The following CPSF2 variants were observed in gnomAD, a reference collection of about 807,000 sequenced individuals.
CPSF2 encodes the protein cleavage and polyadenylation specificity factor subunit 2.
A neutral mutation model predicts 84.2 loss-of-function variants in CPSF2; 51 were observed. The observed-to-expected ratio is 0.61, with a 90% CI of 0.48 to 0.77. The LOEUF (loss-of-function observed/expected upper bound fraction) is 0.77, where lower values mean the gene tolerates loss of function less well. Ranked by LOEUF, CPSF2 falls within the 30% of genes least tolerant of loss-of-function variation. The pLI is 0.00. For synonymous variants in CPSF2, 286 were observed against 311.9 expected (o/e 0.92, Z 0.87); for missense variants, 641 against 929.4 (o/e 0.69, Z 4.03).
At position 92,172,095 on chromosome 14, in the gene CPSF2, C is replaced by A. The variant is rs1232873123; in HGVS notation, c.*10351C>A. The A allele has an allele frequency of 6.6e-6, 1 of 152,238 alleles. No homozygotes were observed. The highest frequency in any genetic ancestry group is 1.5e-5 in the Non-Finnish European group (1 of 68,066). 9.4% of individuals were successfully genotyped at this position (152,238 alleles called of 1,614,324 possible). A position where few individuals can be genotyped will look rare whatever the true frequency, so the allele number is the denominator to read the frequency against. On this transcript the variant is annotated 3_prime_UTR_variant, in exon 16 of 16. Coordinates refer to ENST00000298875, the MANE Select transcript of CPSF2 (RefSeq NM_017437.3). Reference sequence around the variant, plus strand: ...AGATGGCAGTGCCAAAGCAGGCATTCCAATTCACATGGTGCTCTAGCAATT... The same window carrying A: ...AGATGGCAGTGCCAAAGCAGGCATTACAATTCACATGGTGCTCTAGCAATT...
Position 92,156,518 on chromosome 14 carries a change from A to G in CPSF2, c.1482A>G (p.Glu494=). 6.2e-7 allele frequency: 1 copy of G among 1,613,128 alleles called. No homozygotes were observed. The highest frequency in any genetic ancestry group is 1.1e-5 in the South Asian group (1 of 91,010). Residue 494 remains glutamate (E), a synonymous_variant, in exon 12 of 16, where the codon GAA becomes GAG. Coordinates refer to ENST00000298875, the MANE Select transcript of CPSF2 (RefSeq NM_017437.3). ...DFLVPELQAT[E]EEKSKLESGL... ...TAGTGCCAGAGCTTCAAGCTACTGA[A>G]GAAGAAAAAAGCAAATTAGAATCTG... is the stretch of plus-strand genomic sequence containing the variant.
chr14:92,148,510 C>T (rs2069171108), intron 9 of CPSF2, among the ~76,000 whole-genome samples: 1 of 152,116 alleles, frequency 6.6e-6, no homozygotes, highest in Admixed American at 6.6e-5. Context: ...TTTATAATTA[C>T]CCTTTCCTTT....
At chr14:92,136,270 CAAAT>C (rs1400911915) in intron 6 of CPSF2, among the ~76,000 whole-genome samples, 3 of 151,990 alleles carry the variant, frequency 2.0e-5, no homozygotes, top group Admixed American at 6.6e-5. Context: ...ATATTTAAGA[CAAAT>C]AGACTGAATT....
At chr14:92,159,949 T>C (rs550535489) in intron 14 of CPSF2, among the ~76,000 whole-genome samples, 26 of 141,316 alleles carry the variant, frequency 1.8e-4, no homozygotes, top group African/African-American at 6.0e-4. Flanking sequence ...AAGAAAGTCA[T>C]ACTGTTTTTT....
chr14:92,139,891 C>A (rs893945092), intron 7 of CPSF2, among the ~76,000 whole-genome samples: 16 of 150,660 alleles, frequency 1.1e-4, no homozygotes, highest in African/African-American at 3.4e-4. Flanking sequence ...AAATTGGATT[C>A]CATTTTTAAA....
rs2068776752 is a variant in CPSF2, at chr14:92,122,118, G to A, written c.-104G>A. ...AAGGGCTGTGGACGGCGTTGGGGGA[G>A]GCCTGACGAGGCAAGTGAGGGCGGG... On this transcript the variant is annotated 5_prime_UTR_variant, in exon 1 of 16. Coordinates refer to ENST00000298875, the MANE Select transcript of CPSF2 (RefSeq NM_017437.3). 5 of 401,376 alleles carry A rather than the reference G, an allele frequency of 1.2e-5. No homozygotes were observed. The East Asian group carries it at 2.8e-4, about 23-fold the overall frequency. The allele number at this position is 401,376 out of a possible 1,614,324, so 24.9% of individuals were successfully genotyped here.
intron 9 of CPSF2, among the ~76,000 whole-genome samples, chr14:92,150,647 G>A (rs774103401): frequency 6.6e-6 from 1 of 151,970 alleles, no homozygotes; most frequent in Middle Eastern, 3.4e-3. Flanking sequence ...ATATGGTCTC[G>A]AACTGGCCTC....
intron 10 of CPSF2, 126 bp downstream of exon 10, chr14:92,154,584 T>C: frequency 1.6e-6 from 1 of 611,114 alleles, no homozygotes; most frequent in South Asian, 2.4e-5. Context: ...ACAGACATCT[T>C]TCAAATGTCT....
At chr14:92,130,676 T>C (rs72691116) in intron 2 of CPSF2, among the ~76,000 whole-genome samples, 71 of 152,306 alleles carry the variant, frequency 4.7e-4, no homozygotes, top group Admixed American at 1.0e-3. Context: ...GTCTATTTGA[T>C]TGCAACATTC....
rs1222722128 is a variant in CPSF2 at position 92,165,852 on chromosome 14, A to ATTTTTTTTTT, written c.*4109_*4110insTTTTTTTTTT. 1 of 53,916 alleles carries ATTTTTTTTTT rather than the reference A, an allele frequency of 1.9e-5. No individual in the cohort carries two copies. Among genetic ancestry groups the ATTTTTTTTTT allele is most frequent in the African/African-American group, 9.4e-5 (1 of 10,690 alleles). The allele number at this position is 53,916 out of a possible 1,614,324, so 3.3% of individuals were successfully genotyped here. A position where few individuals can be genotyped will look rare whatever the true frequency, so the allele number is the denominator to read the frequency against. ...TTCAGTTCTTTGTGCTTGGTTTTAT[A>ATTTTTTTTTT]TCTTTTTTTTTTTTTTTTTTTTTTT... On this transcript the variant is annotated 3_prime_UTR_variant, in exon 16 of 16. Coordinates refer to ENST00000298875, the MANE Select transcript of CPSF2 (RefSeq NM_017437.3).
chr14:92,154,227 T>G (rs2141477816), intron 9 of CPSF2, 131 bp from the exon 10 acceptor site: 1 of 604,224 alleles, frequency 1.7e-6, no homozygotes, highest in Non-Finnish European at 2.8e-6. Context: ...GAAACTTGAT[T>G]AATTTCAGAG....
chr14:92,139,607 C>T (rs2069047882), intron 7 of CPSF2, among the ~76,000 whole-genome samples: 1 of 147,826 alleles, frequency 6.8e-6, no homozygotes, highest in Non-Finnish European at 1.5e-5. Context: ...GGCACAGTCT[C>T]GGCTCACTGC....
At chr14:92,161,363 T>C (rs1223752312) in intron 15 of CPSF2, 117 bp downstream of exon 15, 1 of 1,219,338 alleles carries the variant, frequency 8.2e-7, no homozygotes, top group Non-Finnish European at 1.1e-6. Flanking sequence ...TAATTTATAT[T>C]CATGATCATG....
At chr14:92,148,612 T>C (rs1216333011) in intron 9 of CPSF2, among the ~76,000 whole-genome samples, 1 of 151,962 alleles carries the variant, frequency 6.6e-6, no homozygotes, top group Non-Finnish European at 1.5e-5. Context: ...GTTTTTTTTT[T>C]CTTATTGATA....
At chr14:92,151,834 T>C (rs377478758) in intron 9 of CPSF2, among the ~76,000 whole-genome samples, 18 of 152,202 alleles carry the variant, frequency 1.2e-4, no homozygotes, top group African/African-American at 3.9e-4. Context: ...TCCAGGAGTT[T>C]GAGACCAGCT....
At chr14:92,154,323 A>C in intron 9 of CPSF2, 35 bp from the exon 10 acceptor site, 1 of 1,492,432 alleles carries the variant, frequency 6.7e-7, no homozygotes, top group Non-Finnish European at 9.2e-7. Flanking sequence ...ATATTAACAT[A>C]TTAACATTTC....
chr14:92,136,986 A>C (rs1266918158), intron 6 of CPSF2, among the ~76,000 whole-genome samples: 1 of 151,984 alleles, frequency 6.6e-6, no homozygotes, highest in Non-Finnish European at 1.5e-5. Flanking sequence ...GATAGATTTG[A>C]TGACATACAG....
Position 92,165,859 on chromosome 14 carries a change from T to TTTG in CPSF2, c.*4117_*4118insGTT, listed in dbSNP as rs2069439572. 1 of 111,208 alleles carries TTTG rather than the reference T, an allele frequency of 9.0e-6. No homozygotes were observed. The highest frequency in any genetic ancestry group is 3.8e-5 in the African/African-American group (1 of 26,216). 6.9% of individuals were successfully genotyped at this position (111,208 alleles called of 1,614,324 possible). ...CTTTGTGCTTGGTTTTATATCTTTT[T>TTTG]TTTTTTTTTTTTTTTTTTTTGAGAT... On this transcript the variant is annotated 3_prime_UTR_variant, in exon 16 of 16. Transcript: ENST00000298875.
At chr14:92,137,113 A>G (rs1015545518) in intron 6 of CPSF2, among the ~76,000 whole-genome samples, 4 of 152,178 alleles carry the variant, frequency 2.6e-5, no homozygotes, top group African/African-American at 9.6e-5. Context: ...TATTAATAAA[A>G]ATATACCAGT....
Sources: gnomAD v4.1 joint callset for allele counts (sites outside exome capture counted in the v4.1 genomes callset) on GRCh38, gnomAD v4.1.1 for gene constraint, MANE v1.5 for transcripts, NCBI Gene and HGNC (gene_info 2026-07-23, HGNC 2026-07-21) for gene names.